Variants in KIF6 observed in about 807,000 individuals in gnomAD.
KIF6 encodes the protein kinesin family member 6, also known as kinesin-like protein KIF6.
A neutral mutation model predicts 112.7 loss-of-function variants in KIF6; 106 were observed. The observed-to-expected ratio is 0.94, with a 90% CI of 0.80 to 1.11. The LOEUF is 1.11. KIF6 is among the 50% of genes least tolerant of loss of function. The probability of loss-of-function intolerance (pLI) is 0.00; values close to 1 mark genes in which losing one functional copy is unlikely to be tolerated. For synonymous variants in KIF6, 339 were observed against 339.9 expected (o/e 1.00, Z 0.03); for missense variants, 929 against 964.0 (o/e 0.96, Z 0.48).
At chr6:39,430,732 C>G (rs1562209409) in intron 14 of KIF6, among the ~76,000 whole-genome samples, 2 of 152,178 alleles carry the variant, frequency 1.3e-5, no homozygotes, top group South Asian at 4.1e-4. Flanking sequence ...TTTTTCCCCC[C>G]TCCTTTGCAA....
At chr6:39,469,044 G>A (rs1393318234) in intron 13 of KIF6, among the ~76,000 whole-genome samples, 2 of 151,942 alleles carry the variant, frequency 1.3e-5, no homozygotes, top group East Asian at 1.9e-4. Flanking sequence ...ATAAAAAAGG[G>A]AAGCATGAAT....
chr6:39,481,356 A>C (rs1283107616), intron 13 of KIF6, among the ~76,000 whole-genome samples: 1 of 152,176 alleles, frequency 6.6e-6, no homozygotes, highest in African/African-American at 2.4e-5. Flanking sequence ...AGGCATGTGG[A>C]TGTATTACCT....
chr6:39,379,153 C>A (rs1766708434), intron 16 of KIF6, among the ~76,000 whole-genome samples: 1 of 152,202 alleles, frequency 6.6e-6, no homozygotes, highest in Non-Finnish European at 1.5e-5. Flanking sequence ...TAGTATGCTT[C>A]CTGCTGTCAG....
chr6:39,457,887 C>G (rs1288409586), intron 13 of KIF6, among the ~76,000 whole-genome samples: 1 of 150,866 alleles, frequency 6.6e-6, no homozygotes, highest in Non-Finnish European at 1.5e-5. Flanking sequence ...CAATAGTTTA[C>G]CAATGAAAAA....
chr6:39,688,433 T>C (rs1298245842), intron 3 of KIF6, among the ~76,000 whole-genome samples: 1 of 152,136 alleles, frequency 6.6e-6, no homozygotes, highest in Non-Finnish European at 1.5e-5. Flanking sequence ...CTGTAATGAA[T>C]GTAATTACAT....
At chr6:39,551,517 AATG>A (rs1314147876) in intron 10 of KIF6, among the ~76,000 whole-genome samples, 3 of 152,262 alleles carry the variant, frequency 2.0e-5, no homozygotes, top group African/African-American at 7.2e-5. Flanking sequence ...AACACAAATA[AATG>A]ATAAGTGCTT....
At chr6:39,363,351 C>T (rs923934385) in intron 16 of KIF6, among the ~76,000 whole-genome samples, 1 of 152,190 alleles carries the variant, frequency 6.6e-6, no homozygotes, top group African/African-American at 2.4e-5. Flanking sequence ...TAATTCACAA[C>T]CAGGGATGAG....
chr6:39,467,545 G>A (rs1172127999), intron 13 of KIF6, among the ~76,000 whole-genome samples: 9 of 151,930 alleles, frequency 5.9e-5, no homozygotes, highest in Admixed American at 5.9e-4. Context: ...TCATCCTAAG[G>A]TGACTGTGCA....
intron 3 of KIF6, among the ~76,000 whole-genome samples, chr6:39,653,413 T>C (rs971772221): frequency 1.3e-5 from 2 of 152,136 alleles, no homozygotes; most frequent in Non-Finnish European, 2.9e-5. Context: ...CAGAAAAGAA[T>C]TACTAATCTT....
intron 3 of KIF6, among the ~76,000 whole-genome samples, chr6:39,648,127 G>A (rs1167578195): frequency 6.8e-6 from 1 of 146,548 alleles, no homozygotes. Context: ...GGGTTCAAGC[G>A]ATTCTCCTGC....
At chr6:39,664,505 T>C (rs1283027599) in intron 3 of KIF6, among the ~76,000 whole-genome samples, 8 of 152,234 alleles carry the variant, frequency 5.3e-5, no homozygotes, top group East Asian at 3.8e-4. Flanking sequence ...GTGTTTTTCA[T>C]GACAGTTGAC....
intron 10 of KIF6, among the ~76,000 whole-genome samples, chr6:39,556,174 T>C (rs1582127330): frequency 1.3e-5 from 2 of 152,194 alleles, no homozygotes; most frequent in African/African-American, 4.8e-5. Context: ...CATTTACTTT[T>C]TGAACTTCTT....
intron 13 of KIF6, among the ~76,000 whole-genome samples, chr6:39,522,108 A>G (rs991750640): frequency 1.3e-5 from 2 of 151,976 alleles, no homozygotes; most frequent in African/African-American, 4.8e-5. Flanking sequence ...TTTTCCCTTC[A>G]CTGACATCTC....
chr6:39,510,888 A>T (rs1333094153), intron 13 of KIF6, among the ~76,000 whole-genome samples: 10 of 150,172 alleles, frequency 6.7e-5, no homozygotes, highest in Non-Finnish European at 5.9e-5. Flanking sequence ...AAAAAAAAAA[A>T]AAAAAAAAAG....
intron 6 of KIF6, among the ~76,000 whole-genome samples, chr6:39,610,668 TTTGCTTTCA>T (rs1454783528): frequency 6.6e-5 from 10 of 152,320 alleles, no homozygotes; most frequent in African/African-American, 1.2e-4. Context: ...TTTTTATGTA[TTTGCTTTCA>T]TTGCTTTCAA....
chr6:39,478,388 G>T (rs1312723958), intron 13 of KIF6, among the ~76,000 whole-genome samples: 2 of 152,110 alleles, frequency 1.3e-5, no homozygotes, highest in Non-Finnish European at 1.5e-5. Context: ...TCTTTTTATG[G>T]CTGAGTAGTA....
chr6:39,425,281 A>T (rs1420308468), intron 14 of KIF6, among the ~76,000 whole-genome samples: 1 of 152,108 alleles, frequency 6.6e-6, no homozygotes, highest in African/African-American at 2.4e-5. Flanking sequence ...CTAACTTAAT[A>T]TGTTGCTTTT....
chr6:39,468,154 T>A (rs1420646185), intron 13 of KIF6, among the ~76,000 whole-genome samples: 1 of 150,942 alleles, frequency 6.6e-6, no homozygotes. Context: ...TCATTAGAGA[T>A]TACATACTCT....
At chr6:39,655,440 G>A (rs556440919) in intron 3 of KIF6, among the ~76,000 whole-genome samples, 1 of 151,876 alleles carries the variant, frequency 6.6e-6, no homozygotes, top group East Asian at 1.9e-4. Flanking sequence ...GGCCTTTGTT[G>A]TCCAAAAATT....
Sources: allele counts gnomAD v4.1 joint callset (sites outside exome capture counted in the v4.1 genomes callset), GRCh38; gene constraint gnomAD v4.1.1; transcripts MANE v1.5; gene names NCBI Gene and HGNC (gene_info 2026-07-23, HGNC 2026-07-21).